The following BCO1 variants were observed in gnomAD, a reference collection of about 807,000 sequenced individuals.
BCO1 encodes the protein beta,beta-carotene 15,15'-dioxygenase.
BCO1 carries 54 observed loss-of-function variants against 56.3 expected under a neutral mutation model. The observed-to-expected ratio is 0.96, with a 90% CI of 0.77 to 1.20. The LOEUF is 1.20. Among genes scored for constraint, BCO1 ranks in the 50% most tolerant of loss-of-function variants. The pLI, the probability that BCO1 is intolerant of heterozygous loss-of-function variation, is 0.00. For missense variants in BCO1, 801 were observed against 690.9 expected (o/e 1.16, Z -1.79); for synonymous variants, 318 against 266.1 (o/e 1.20, Z -1.90).
intron 2 of BCO1, among the ~76,000 whole-genome samples, chr16:81,246,075 C>G (rs11640301): frequency 0.32 from 48,480 of 151,588 alleles, 7,895 homozygotes; most frequent in East Asian, 0.37. Flanking sequence ...ATGATCCGCC[C>G]ACCTCGTGCT....
Position 81,259,143 on chromosome 16 carries a change from A to C in BCO1, c.194-533A>C, listed in dbSNP as rs76092029. 1.1e-4 allele frequency among the ~76,000 whole-genome samples: 17 copies of C among 152,272 alleles called. No homozygotes were observed. The East Asian group carries it at 3.3e-3, about 29-fold the overall frequency. On this transcript the variant is annotated intron_variant, in intron 2 of 10. Transcript: ENST00000258168. Reference sequence around the variant, plus strand: ...CAAGGAACAAAACATTCAAACCGTAACACATACTTATCCAGCCATACTGTT... The same window carrying C: ...CAAGGAACAAAACATTCAAACCGTACCACATACTTATCCAGCCATACTGTT...
At chr16:81,260,789 A>G (rs1488035005) in intron 3 of BCO1, among the ~76,000 whole-genome samples, 4 of 152,214 alleles carry the variant, frequency 2.6e-5, no homozygotes, top group Admixed American at 2.6e-4. Context: ...GATTACAGGC[A>G]TGAGCCACTG....
intron 2 of BCO1, among the ~76,000 whole-genome samples, chr16:81,255,748 G>T (rs930034139): frequency 6.6e-6 from 1 of 151,058 alleles, no homozygotes; most frequent in Non-Finnish European, 1.5e-5. Context: ...CTTGTGATCC[G>T]CCTGCCTCAG....
At chr16:81,257,879 C>CA (rs529236932) in intron 2 of BCO1, among the ~76,000 whole-genome samples, 4,714 of 65,852 alleles carry the variant, frequency 0.072, 270 homozygotes, top group African/African-American at 0.21. Flanking sequence ...GACTCCATCT[C>CA]AAAAAAAAAA....
At chr16:81,249,191 A>G (rs1219955257) in intron 2 of BCO1, among the ~76,000 whole-genome samples, 2 of 150,426 alleles carry the variant, frequency 1.3e-5, no homozygotes, top group Non-Finnish European at 2.9e-5. Context: ...TCCAGGTTCA[A>G]GTGATTCTCA....
intron 10 of BCO1, among the ~76,000 whole-genome samples, chr16:81,288,028 G>A (rs1008556633): frequency 6.6e-6 from 1 of 152,140 alleles, no homozygotes; most frequent in Non-Finnish European, 1.5e-5. Context: ...CCCACTGTAA[G>A]GGTAGACTGC....
chr16:81,268,006 G>T lies in BCO1; in HGVS notation c.718G>T (p.Gly240Ter), dbSNP rs1188782826. 2.5e-6 allele frequency: 4 copies of T among 1,613,758 alleles called. No homozygotes were observed. Among genetic ancestry groups the T allele is most frequent in the Middle Eastern group, 1.6e-4 (1 of 6,084 alleles). The stretch of plus-strand genomic sequence containing the variant: ...CTCCCCAAGCTACTACCACAGCTTT[G>T]GAGTCACCGAGAACTATGTCATCTT... ...LLSPSYYHSF[G>*]VTENYVIFLE... The change falls in exon 6 of 11, where the codon GGA becomes TGA. Residue 240 changes from glycine (G) to a stop codon, truncating the protein, a stop_gained. Coordinates refer to ENST00000258168, the MANE Select transcript of BCO1 (RefSeq NM_017429.3). LOFTEE classifies it high-confidence loss of function.
Position 81,265,722 on chromosome 16 carries a change from A to G in BCO1, c.619+935A>G, listed in dbSNP as rs541442665. On this transcript the variant is annotated intron_variant, in intron 5 of 10. Coordinates refer to ENST00000258168, the MANE Select transcript of BCO1 (RefSeq NM_017429.3). ...CATCCATCTACCTACCCATCCACCCACCCACCATGAATCCATTCATCCATC... is the reference window on the plus strand; with the variant it reads ...CATCCATCTACCTACCCATCCACCCGCCCACCATGAATCCATTCATCCATC... 3.3e-5 allele frequency among the ~76,000 whole-genome samples: 5 copies of G among 150,092 alleles called. No homozygotes were observed. In the South Asian group the frequency reaches 1.1e-3, roughly 32 times the overall value.
At chr16:81,260,572 A>C (rs534337801) in intron 3 of BCO1, among the ~76,000 whole-genome samples, 1 of 152,254 alleles carries the variant, frequency 6.6e-6, no homozygotes, top group African/African-American at 2.4e-5. Context: ...GCAATGGCGC[A>C]ATCTCAGTTC....
chr16:81,273,852 A>C (rs1907389895), intron 7 of BCO1, among the ~76,000 whole-genome samples: 1 of 152,196 alleles, frequency 6.6e-6, no homozygotes, highest in Non-Finnish European at 1.5e-5. Flanking sequence ...AAGTTTTAAA[A>C]GTATTAGGCA....
At chr16:81,271,606 C>G (rs1450324750) in intron 7 of BCO1, among the ~76,000 whole-genome samples, 1 of 152,200 alleles carries the variant, frequency 6.6e-6, no homozygotes, top group East Asian at 1.9e-4. Flanking sequence ...CAGACTTGCC[C>G]TTTCTAGACA....
At chr16:81,270,680 C>T (rs1214243567) in intron 7 of BCO1, among the ~76,000 whole-genome samples, 3 of 93,146 alleles carry the variant, frequency 3.2e-5, no homozygotes, top group Non-Finnish European at 6.9e-5. Flanking sequence ...CTCCCAGTCT[C>T]TCTCTCTGTG....
chr16:81,259,024 C>A (rs1906316663), intron 2 of BCO1, among the ~76,000 whole-genome samples: 1 of 152,100 alleles, frequency 6.6e-6, no homozygotes, highest in Non-Finnish European at 1.5e-5. Context: ...ATCACCAGAA[C>A]AACACTAAGC....
intron 2 of BCO1, among the ~76,000 whole-genome samples, chr16:81,258,516 C>A (rs977183753): frequency 6.6e-6 from 1 of 152,142 alleles, no homozygotes; most frequent in Non-Finnish European, 1.5e-5. Context: ...CAGGACTGAA[C>A]GGGGCCCTGG....
chr16:81,268,975 C>G (rs1188548507), intron 6 of BCO1, among the ~76,000 whole-genome samples: 1 of 151,296 alleles, frequency 6.6e-6, no homozygotes, highest in East Asian at 1.9e-4. Context: ...CTATGTTGCC[C>G]AGGCTAGCCT....
At chr16:81,270,692 C>CTCTGTGTGTG (rs146010684) in intron 7 of BCO1, among the ~76,000 whole-genome samples, 24,736 of 143,626 alleles carry the variant, frequency 0.17, 2,297 homozygotes, top group Admixed American at 0.25. Flanking sequence ...CTCTCTGTGT[C>CTCTGTGTGTG]TGTGTGTGTG....
chr16:81,264,412 C>G (rs570410117), intron 4 of BCO1, among the ~76,000 whole-genome samples: 1 of 152,182 alleles, frequency 6.6e-6, no homozygotes, highest in Non-Finnish European at 1.5e-5. Flanking sequence ...CTCAAATCCC[C>G]ATGTGAGGTT....
At chr16:81,261,720 T>G (rs1906491241) in intron 3 of BCO1, among the ~76,000 whole-genome samples, 1 of 152,180 alleles carries the variant, frequency 6.6e-6, no homozygotes, top group Admixed American at 6.5e-5. Flanking sequence ...CAGTTGCTTT[T>G]TCTTCCTTAG....
chr16:81,276,453 C>G (rs180812078), intron 7 of BCO1, among the ~76,000 whole-genome samples: 1 of 152,330 alleles, frequency 6.6e-6, no homozygotes, highest in African/African-American at 2.4e-5. Context: ...CTCTGCTGTT[C>G]CTGCCACAGG....
Sources: gnomAD v4.1 joint callset for allele counts (sites outside exome capture counted in the v4.1 genomes callset) on GRCh38, gnomAD v4.1.1 for gene constraint, MANE v1.5 for transcripts, NCBI Gene and HGNC (gene_info 2026-07-23, HGNC 2026-07-21) for gene names.